Variants in RASGRP3 observed in about 807,000 individuals in gnomAD.
RASGRP3 encodes the protein ras guanyl-releasing protein 3.
A neutral mutation model predicts 82.7 loss-of-function variants in RASGRP3; 54 were observed. The ratio of observed to expected loss-of-function variants is 0.65; its 90% confidence interval spans 0.52 to 0.82. The LOEUF is 0.82. RASGRP3 is among the 40% of genes least tolerant of loss of function. The pLI is 0.00. For synonymous variants in RASGRP3, 309 were observed against 300.5 expected (o/e 1.03, Z -0.29); for missense variants, 861 against 828.9 (o/e 1.04, Z -0.48).
intron 1 of RASGRP3, among the ~76,000 whole-genome samples, chr2:33,485,243 G>C (rs188128286): frequency 6.6e-6 from 1 of 152,196 alleles, no homozygotes; most frequent in Non-Finnish European, 1.5e-5. Flanking sequence ...ATTCTGTGGA[G>C]GTGAGATTCT....
intron 13 of RASGRP3, among the ~76,000 whole-genome samples, chr2:33,548,539 G>A (rs918492915): frequency 3.3e-5 from 5 of 151,988 alleles, no homozygotes; most frequent in Non-Finnish European, 1.5e-5. Context: ...GGGGAGGCTG[G>A]AGAGTGCTGG....
chr2:33,559,872 G>A (rs1041985292), intron 17 of RASGRP3, among the ~76,000 whole-genome samples: 23 of 152,130 alleles, frequency 1.5e-4, no homozygotes, highest in Non-Finnish European at 1.5e-4. Flanking sequence ...CTAAACACAC[G>A]TCTCCATACA....
chr2:33,503,927 T>C (rs1224218327), intron 1 of RASGRP3, among the ~76,000 whole-genome samples: 2 of 152,198 alleles, frequency 1.3e-5, no homozygotes, highest in Non-Finnish European at 2.9e-5. Flanking sequence ...AGCAGCATTG[T>C]GCAACCCCTA....
In RASGRP3 at chr2:33,556,647, G is replaced by C. The variant is rs186327798; in HGVS notation, c.1579+1080G>C. ...CTTCAGATGAATGTTGTTCCCCAGG[G>C]ATGCCTTTTTTCTCCAGTCGTTTTC... On this transcript the variant is annotated intron_variant, in intron 15 of 17. Transcript: ENST00000403687. Among the ~76,000 whole-genome samples the C allele has an allele frequency of 1.3e-3, 198 of 152,216 alleles. 1 individual carries two copies. The highest frequency in any genetic ancestry group is 4.3e-3 in the African/African-American group (180 of 41,532).
chr2:33,482,035 A>G (rs1472410287), intron 1 of RASGRP3: 1 of 142,196 alleles, frequency 7.0e-6, no homozygotes, highest in Non-Finnish European at 1.5e-5. Context: ...TTTTTTTGAG[A>G]TGGAGTCTCG....
chr2:33,534,565 G>T (rs1392768094), intron 11 of RASGRP3, among the ~76,000 whole-genome samples, 165 bp downstream of exon 11: 2 of 151,954 alleles, frequency 1.3e-5, no homozygotes, highest in Admixed American at 1.3e-4. Flanking sequence ...GTCTTGCACT[G>T]TTGCCTGGGC....
intron 1 of RASGRP3, among the ~76,000 whole-genome samples, chr2:33,488,551 A>G (rs966541621): frequency 1.3e-5 from 2 of 152,224 alleles, no homozygotes; most frequent in African/African-American, 4.8e-5. Context: ...CAATGGAAAA[A>G]AAATGCCTGT....
chr2:33,441,815 T>C (rs1477762757), intron 1 of RASGRP3, among the ~76,000 whole-genome samples: 1 of 152,232 alleles, frequency 6.6e-6, no homozygotes, highest in Non-Finnish European at 1.5e-5. Context: ...GTCTATCTTT[T>C]AGGGATCTAT....
At chr2:33,476,416 T>G (rs1346980126), upstream of RASGRP3, 1 of 152,224 alleles carries the variant, frequency 6.6e-6, no homozygotes, top group African/African-American at 2.4e-5. Context: ...TATCAGCTGT[T>G]TGGCTTTTGT....
chr2:33,498,873 T>A (rs79522831), intron 1 of RASGRP3, among the ~76,000 whole-genome samples: 1 of 152,014 alleles, frequency 6.6e-6, no homozygotes, highest in East Asian at 1.9e-4. Context: ...GCCTGACATA[T>A]GCTTGTACCT....
intron 1 of RASGRP3, among the ~76,000 whole-genome samples, chr2:33,440,617 G>T (rs1558388271): frequency 6.6e-6 from 1 of 152,032 alleles, no homozygotes; most frequent in Admixed American, 6.6e-5. Context: ...TCCATCTTTT[G>T]GTTACTCTCT....
At chr2:33,458,398 G>C (rs948376674) in intron 2 of RASGRP3, among the ~76,000 whole-genome samples, 1 of 152,132 alleles carries the variant, frequency 6.6e-6, no homozygotes, top group East Asian at 1.9e-4. Context: ...GTTTTAGAGC[G>C]TGTTGGCTGG....
intron 17 of RASGRP3, among the ~76,000 whole-genome samples, chr2:33,562,266 TC>T (rs1276148381): frequency 5.0e-5 from 5 of 100,374 alleles, no homozygotes; most frequent in Non-Finnish European, 8.7e-5. Context: ...GATCTCTCTC[TC>T]TTTTTTTTTT....
intron 1 of RASGRP3, chr2:33,481,389 C>T (rs1470015227): frequency 6.6e-6 from 1 of 152,194 alleles, no homozygotes; most frequent in Non-Finnish European, 1.5e-5. Flanking sequence ...TCTCGATCTC[C>T]TGACCTGGTG....
chr2:33,440,943 A>G (rs1401763277), intron 1 of RASGRP3, among the ~76,000 whole-genome samples: 1 of 151,978 alleles, frequency 6.6e-6, no homozygotes, highest in African/African-American at 2.4e-5. Context: ...CCCAGGCTGG[A>G]ATGCAGTGGC....
chr2:33,453,976 G>T (rs1275933004), intron 2 of RASGRP3, among the ~76,000 whole-genome samples: 1 of 152,134 alleles, frequency 6.6e-6, no homozygotes, highest in East Asian at 1.9e-4. Flanking sequence ...GTGTCAGCAG[G>T]TTTGGTTTCT....
chr2:33,524,041 A>T lies in RASGRP3; in HGVS notation c.679A>T (p.Asn227Tyr). 1.2e-6 allele frequency: 2 copies of T among 1,613,844 alleles called. No homozygotes were observed. Among genetic ancestry groups the T allele is most frequent in the Non-Finnish European group, 1.7e-6 (2 of 1,179,798 alleles). Reference protein sequence around the residue: ...QRAEVITKFINVAKKLLQLKN... With the variant: ...QRAEVITKFIYVAKKLLQLKN... ...GGCAGAAGTCATCACAAAGTTTATC[A>T]ATGTTGCAAAGGTATGTCTGGTAAT... The change falls in exon 8 of 18, where the codon AAT becomes TAT. Residue 227 changes from asparagine to tyrosine, a missense_variant. Physicochemically the swap from Asn to Tyr is moderately radical, Grantham distance 143. Coordinates refer to ENST00000403687, the MANE Select transcript of RASGRP3 (RefSeq NM_001139488.2).
At chr2:33,544,124 G>A (rs746058338) in intron 13 of RASGRP3, among the ~76,000 whole-genome samples, 26 of 152,138 alleles carry the variant, frequency 1.7e-4, no homozygotes, top group Non-Finnish European at 2.6e-4. Flanking sequence ...GACCAGCCTG[G>A]CCAACATGGT....
rs1558539719 is a variant in RASGRP3 at position 33,564,682 on chromosome 2, A to AAAG, written c.*1947_*1949dup. 6.6e-6 allele frequency: 1 copy of AAAG among 152,184 alleles called. No homozygotes were observed. The highest frequency in any genetic ancestry group is 1.5e-5 in the Non-Finnish European group (1 of 68,028). 9.4% of individuals were successfully genotyped at this position (152,184 alleles called of 1,614,324 possible). The stretch of plus-strand genomic sequence containing the variant: ...TTTATATTGCCAGCCTTCCTGTGAT[A>AAAG]AAGATATTAAATGTAACTTGAGTAA... On this transcript the variant is annotated 3_prime_UTR_variant, in exon 18 of 18. Coordinates refer to ENST00000403687, the MANE Select transcript of RASGRP3 (RefSeq NM_001139488.2).
Sources: allele counts gnomAD v4.1 joint callset (sites outside exome capture counted in the v4.1 genomes callset), GRCh38; gene constraint gnomAD v4.1.1; transcripts MANE v1.5; gene names NCBI Gene and HGNC (gene_info 2026-07-23, HGNC 2026-07-21).